LAMA2: variants seen among roughly 807,000 people sequenced by gnomAD.
LAMA2 encodes laminin subunit alpha 2.
LAMA2 carries 269 observed loss-of-function variants against 364.8 expected under a neutral mutation model. The ratio of observed to expected loss-of-function variants is 0.74; its 90% CI spans 0.67 to 0.82. The LOEUF is 0.82. Ranked by LOEUF, LAMA2 falls within the 40% of genes least tolerant of loss-of-function variation. LAMA2 has a pLI of 0.00. For missense variants in LAMA2, 3,807 were observed against 3,873.2 expected, an observed-to-expected ratio of 0.98 and a Z score of 0.45; for synonymous variants, 1,379 against 1,370.6, an observed-to-expected ratio of 1.01 and a Z score of -0.14.
chr6:129,146,547 AAC>A (rs1778463984), intron 5 of LAMA2, among the ~76,000 whole-genome samples: 1 of 152,024 alleles, frequency 6.6e-6, no homozygotes, highest in Admixed American at 6.6e-5. Flanking sequence ...CATCAAGTAA[AAC>A]AGTGTGCGTA....
intron 49 of LAMA2, among the ~76,000 whole-genome samples, chr6:129,460,528 T>C (rs1461029881): frequency 6.6e-6 from 1 of 152,108 alleles, no homozygotes; most frequent in African/African-American, 2.4e-5. Flanking sequence ...CTGGGAGGTA[T>C]ACTAGCAGTA....
At chr6:128,961,220 C>T (rs566756229) in intron 1 of LAMA2, among the ~76,000 whole-genome samples, 2 of 148,030 alleles carry the variant, frequency 1.4e-5, no homozygotes, top group East Asian at 2.0e-4. Context: ...AATTCTTATC[C>T]TCACCCCTCA....
intron 1 of LAMA2, among the ~76,000 whole-genome samples, chr6:128,991,187 G>C (rs1326945359): frequency 6.6e-6 from 1 of 152,082 alleles, no homozygotes; most frequent in African/African-American, 2.4e-5. Flanking sequence ...CGTGAGAATA[G>C]AATCCTGCTG....
intron 1 of LAMA2, among the ~76,000 whole-genome samples, chr6:128,933,039 C>G (rs1779579093): frequency 6.6e-6 from 1 of 152,176 alleles, no homozygotes; most frequent in African/African-American, 2.4e-5. Context: ...CCATTCTACT[C>G]TCTGCTTCTA....
At chr6:129,369,621 C>G (rs1222378518) in intron 33 of LAMA2, among the ~76,000 whole-genome samples, 1 of 152,082 alleles carries the variant, frequency 6.6e-6, no homozygotes, top group African/African-American at 2.4e-5. Flanking sequence ...ATGCTTACCC[C>G]CCATAGAGCT....
intron 37 of LAMA2, among the ~76,000 whole-genome samples, chr6:129,400,292 G>T (rs2114690085): frequency 6.6e-6 from 1 of 152,226 alleles, no homozygotes; most frequent in South Asian, 2.1e-4. Flanking sequence ...TTCAACATAT[G>T]AATTTTCAGG....
At chr6:129,475,716 T>A (rs1018559611) in intron 53 of LAMA2, among the ~76,000 whole-genome samples, 1 of 152,088 alleles carries the variant, frequency 6.6e-6, no homozygotes, top group Non-Finnish European at 1.5e-5. Context: ...AAAAGGCAGC[T>A]GGTCAATTTC....
chr6:129,301,810 C>A (rs1005440013), intron 22 of LAMA2, among the ~76,000 whole-genome samples: 2 of 152,116 alleles, frequency 1.3e-5, no homozygotes, highest in African/African-American at 4.8e-5. Context: ...CCCATCACCC[C>A]CCATGTGCCT....
Position 129,445,785 on chromosome 6 carries a change from G to C in LAMA2, c.6393G>C (p.Lys2131Asn). 6.2e-7 allele frequency: 1 copy of C among 1,613,760 alleles called. No homozygotes were observed. Residue 2131 changes from lysine (K) to asparagine (N), a missense_variant, in exon 45 of 65, where the codon AAG becomes AAC. Physicochemically the swap from Lys to Asn is moderately conservative, Grantham distance 94. Transcript: ENST00000421865. ...DNLKKNISEIKELINQARKQA... is the reference protein window; with the variant it reads ...DNLKKNISEINELINQARKQA... Reference sequence around the variant, plus strand: ...TAAAGAAAAACATCTCTGAGATAAAGGAATTGATAAACCAAGCTCGGAAAC... The same window carrying C: ...TAAAGAAAAACATCTCTGAGATAAACGAATTGATAAACCAAGCTCGGAAAC...
chr6:129,374,832 G>A (rs1016154420), intron 34 of LAMA2, among the ~76,000 whole-genome samples: 90 of 148,708 alleles, frequency 6.1e-4, no homozygotes, highest in Non-Finnish European at 1.2e-3. Context: ...TGATCCACCC[G>A]CCTCAGCCTC....
intron 21 of LAMA2, 134 bp downstream of exon 21, chr6:129,297,999 T>A (rs1773301874): frequency 5.5e-6 from 3 of 549,490 alleles, no homozygotes; most frequent in East Asian, 8.8e-5. Context: ...GTCTACTTAT[T>A]TTTACGTTAC....
At chr6:129,417,262 A>G (rs1317944206) in intron 40 of LAMA2, among the ~76,000 whole-genome samples, 1 of 152,110 alleles carries the variant, frequency 6.6e-6, no homozygotes, top group Admixed American at 6.5e-5. Flanking sequence ...TTATTGAGTG[A>G]CAGTGCAACT....
At chr6:129,453,499 C>T (rs184636979) in intron 46 of LAMA2, among the ~76,000 whole-genome samples, 7 of 152,086 alleles carry the variant, frequency 4.6e-5, no homozygotes, top group East Asian at 1.9e-4. Context: ...TAAACTCTTC[C>T]GTTAATGAAA....
intron 3 of LAMA2, among the ~76,000 whole-genome samples, chr6:129,070,163 A>C (rs1358105113): frequency 6.6e-6 from 1 of 152,124 alleles, no homozygotes; most frequent in Non-Finnish European, 1.5e-5. Context: ...GGTCTAGTGT[A>C]AAATGGAGCA....
At chr6:128,928,884 T>A in intron 1 of LAMA2, 2 of 678,910 alleles carry the variant, frequency 2.9e-6, no homozygotes, top group Non-Finnish European at 5.3e-6. Flanking sequence ...GAGAATAGTG[T>A]TTGATGGCCA....
chr6:129,262,012 A>C (rs1787171058), intron 15 of LAMA2, among the ~76,000 whole-genome samples: 1 of 152,118 alleles, frequency 6.6e-6, no homozygotes, highest in South Asian at 2.1e-4. Flanking sequence ...CTCAATTGGC[A>C]TAATAAATAA....
chr6:129,353,033 T>TA (rs1776941771), intron 31 of LAMA2, 131 bp from the exon 32 acceptor site: 3 of 635,280 alleles, frequency 4.7e-6, no homozygotes, highest in South Asian at 4.2e-5. Context: ...TCTGACCCTT[T>TA]ACAGGAAAAG....
chr6:129,122,581 G>T (rs750450363), intron 4 of LAMA2, among the ~76,000 whole-genome samples: 8 of 152,152 alleles, frequency 5.3e-5, no homozygotes, highest in Non-Finnish European at 1.0e-4. Flanking sequence ...TTTCCTAAGG[G>T]TTTTTACATG....
At chr6:129,019,529 G>T (rs1374224238) in intron 1 of LAMA2, among the ~76,000 whole-genome samples, 1 of 151,628 alleles carries the variant, frequency 6.6e-6, no homozygotes, top group Non-Finnish European at 1.5e-5. Flanking sequence ...TATTTTAAAA[G>T]ATTTGTATTT....
Sources: gnomAD v4.1 joint callset for allele counts (sites outside exome capture counted in the v4.1 genomes callset) on GRCh38, gnomAD v4.1.1 for gene constraint, MANE v1.5 for transcripts, NCBI Gene and HGNC (gene_info 2026-07-23, HGNC 2026-07-21) for gene names.